The following GLI2 variants were observed in gnomAD, a reference collection of about 807,000 sequenced individuals.
The protein encoded by GLI2 is GLI family zinc finger 2.
GLI2 carries 22 observed loss-of-function variants against 78.9 expected under a neutral mutation model. That is an observed-to-expected ratio of 0.28 (90% CI 0.20 to 0.40). GLI2 has a LOEUF of 0.40. Ranked by LOEUF, GLI2 falls within the 10% of genes least tolerant of loss-of-function variation. GLI2 has a pLI of 1.00. For missense variants in GLI2, 2,097 were observed against 2,213.2 expected, an observed-to-expected ratio of 0.95 and a Z score of 1.05; for synonymous variants, 974 against 963.7, an observed-to-expected ratio of 1.01 and a Z score of -0.20.
intron 2 of GLI2, among the ~76,000 whole-genome samples, chr2:120,890,816 G>A (rs1677644175): frequency 1.3e-5 from 2 of 152,222 alleles, no homozygotes; most frequent in Admixed American, 6.5e-5. Flanking sequence ...TTACCTGGAG[G>A]CTGGTGGGTT....
chr2:120,823,194 G>T (rs1049663917), intron 2 of GLI2, among the ~76,000 whole-genome samples: 1 of 152,226 alleles, frequency 6.6e-6, no homozygotes, highest in Non-Finnish European at 1.5e-5. Context: ...CTGCAGGGAC[G>T]CTCCACTGTA....
At chr2:120,963,467 ATCCACCTGGGGTATGTGTC>A (rs1335347816) in intron 5 of GLI2, among the ~76,000 whole-genome samples, 7 of 146,370 alleles carry the variant, frequency 4.8e-5, no homozygotes, top group Non-Finnish European at 7.4e-5. Context: ...GCGCACGCGC[ATCCACCTGGGGTATGTGTC>A]TCCACCTGGG....
chr2:120,813,155 G>T (rs878988668), intron 2 of GLI2, among the ~76,000 whole-genome samples: 1 of 152,228 alleles, frequency 6.6e-6, no homozygotes, highest in Non-Finnish European at 1.5e-5. Flanking sequence ...GGCAGGGCCG[G>T]GGTGGTGAAA....
At chr2:120,850,526 CT>C (rs1687353196) in intron 2 of GLI2, among the ~76,000 whole-genome samples, 1 of 152,168 alleles carries the variant, frequency 6.6e-6, no homozygotes, top group African/African-American at 2.4e-5. Flanking sequence ...CATTTACCTT[CT>C]GTATATCTTT....
At chr2:120,773,517 C>A (rs996620326) in intron 1 of GLI2, among the ~76,000 whole-genome samples, 1 of 152,182 alleles carries the variant, frequency 6.6e-6, no homozygotes, top group Non-Finnish European at 1.5e-5. Context: ...GATGCCATGC[C>A]GGCCCCTGAT....
At chr2:120,786,491 A>G (rs973288934) in intron 1 of GLI2, among the ~76,000 whole-genome samples, 4 of 119,590 alleles carry the variant, frequency 3.3e-5, no homozygotes, top group African/African-American at 1.3e-4. Flanking sequence ...CTGCAATTCC[A>G]CTGAGAAAAT....
At chr2:120,975,901 A>G (rs1314065023) in intron 9 of GLI2, among the ~76,000 whole-genome samples, 2 of 152,134 alleles carry the variant, frequency 1.3e-5, no homozygotes, top group Non-Finnish European at 2.9e-5. Flanking sequence ...TTTGTTTCCT[A>G]TAAAGGGGGT....
chr2:120,962,268 C>A (rs1325052989), intron 5 of GLI2, among the ~76,000 whole-genome samples: 1 of 152,200 alleles, frequency 6.6e-6, no homozygotes, highest in Admixed American at 6.5e-5. Context: ...AAACAATGAT[C>A]TCCCTCCTGA....
intron 2 of GLI2, among the ~76,000 whole-genome samples, chr2:120,876,882 C>T (rs908403699): frequency 2.0e-5 from 3 of 152,336 alleles, no homozygotes; most frequent in African/African-American, 4.8e-5. Context: ...CGGCCCTTTC[C>T]GTGTCCCTGT....
chr2:120,852,922 G>A (rs1034366516), intron 2 of GLI2, among the ~76,000 whole-genome samples: 4 of 152,192 alleles, frequency 2.6e-5, no homozygotes, highest in Admixed American at 6.5e-5. Flanking sequence ...GGAGACAGAC[G>A]CAGGAAGGGA....
intron 2 of GLI2, among the ~76,000 whole-genome samples, chr2:120,924,893 G>A (rs1276315000): frequency 2.6e-5 from 4 of 152,232 alleles, no homozygotes; most frequent in Admixed American, 1.3e-4. Context: ...CACAGTCTCC[G>A]GGCGAAGCGC....
intron 5 of GLI2, among the ~76,000 whole-genome samples, chr2:120,956,679 G>A (rs944351088): frequency 1.3e-5 from 2 of 152,116 alleles, no homozygotes; most frequent in African/African-American, 4.8e-5. Context: ...TGCCTGGGGT[G>A]GCGTTTTCAC....
intron 10 of GLI2, among the ~76,000 whole-genome samples, chr2:120,982,238 G>A (rs113404555): frequency 3.9e-5 from 6 of 152,218 alleles, no homozygotes; most frequent in Non-Finnish European, 7.4e-5. Flanking sequence ...TGAAGATGAG[G>A]GTGGCCGACT....
intron 2 of GLI2, among the ~76,000 whole-genome samples, chr2:120,857,109 G>T (rs539133185): frequency 2.6e-5 from 4 of 152,262 alleles, no homozygotes; most frequent in Non-Finnish European, 4.4e-5. Context: ...CACCCAAGAC[G>T]TGCAGGGCTG....
At chr2:120,769,434 T>C (rs1683461542) in intron 1 of GLI2, among the ~76,000 whole-genome samples, 1 of 152,132 alleles carries the variant, frequency 6.6e-6, no homozygotes, top group African/African-American at 2.4e-5. Flanking sequence ...GCCCTGTGCA[T>C]TTAGTTCCTT....
At chr2:120,824,565 C>G (rs1361725501) in intron 2 of GLI2, among the ~76,000 whole-genome samples, 1 of 152,256 alleles carries the variant, frequency 6.6e-6, no homozygotes, top group African/African-American at 2.4e-5. Flanking sequence ...CCACTGCCCC[C>G]TGCTCCATCT....
At chr2:120,935,775 C>G (rs937334353) in intron 3 of GLI2, among the ~76,000 whole-genome samples, 5 of 152,210 alleles carry the variant, frequency 3.3e-5, no homozygotes, top group African/African-American at 1.2e-4. Flanking sequence ...CAAGAATGCA[C>G]TCGCTGGGCT....
intron 2 of GLI2, among the ~76,000 whole-genome samples, chr2:120,914,697 T>C (rs914381327): frequency 3.3e-5 from 5 of 151,828 alleles, no homozygotes; most frequent in African/African-American, 1.2e-4. Context: ...AGCAGAGGGG[T>C]CTGTAGGGAT....
intron 2 of GLI2, among the ~76,000 whole-genome samples, chr2:120,915,211 C>T (rs981356899): frequency 3.3e-5 from 5 of 152,226 alleles, no homozygotes; most frequent in Admixed American, 2.0e-4. Context: ...AACACCTCAG[C>T]CTGGGGTGGG....
Sources: gnomAD v4.1 joint callset for allele counts (sites outside exome capture counted in the v4.1 genomes callset) on GRCh38, gnomAD v4.1.1 for gene constraint, MANE v1.5 for transcripts, NCBI Gene and HGNC (gene_info 2026-07-23, HGNC 2026-07-21) for gene names.